CACNB2: variants seen among roughly 807,000 people sequenced by gnomAD.
CACNB2 encodes calcium voltage-gated channel auxiliary subunit beta 2.
Under a neutral mutation model 73.3 loss-of-function variants are expected in CACNB2, and 42 were observed. The observed-to-expected ratio is 0.57, with a 90% CI of 0.45 to 0.74. The LOEUF is 0.74. CACNB2 is among the 30% of genes least tolerant of loss of function. The probability of loss-of-function intolerance (pLI) is 0.00; values close to 1 mark genes in which losing one functional copy is unlikely to be tolerated. For synonymous variants in CACNB2, 348 were observed against 310.3 expected (o/e 1.12, Z -1.28); for missense variants, 940 against 853.0 (o/e 1.10, Z -1.27).
At chr10:18,515,017 T>C (rs1327516773) in intron 7 of CACNB2, 1 of 1,613,916 alleles carries the variant, frequency 6.2e-7, no homozygotes, top group Non-Finnish European at 8.5e-7. Flanking sequence ...AGTGGAAAAC[T>C]GCAGGCTTGT....
At chr10:18,262,729 G>A (rs1344864296) in intron 2 of CACNB2, among the ~76,000 whole-genome samples, 2 of 152,112 alleles carry the variant, frequency 1.3e-5, no homozygotes, top group East Asian at 3.9e-4. Flanking sequence ...AGCTTTCTGT[G>A]TTTCTGTTTA....
Position 18,277,088 on chromosome 10 carries a change from G to A in CACNB2, c.214-124836G>A, listed in dbSNP as rs377505910. ...GCCGTGTTCGTGCCACTGCACTCCAGCCTGAGGGATGGAGCGAGATCTTGT... is the reference window on the plus strand; with the variant it reads ...GCCGTGTTCGTGCCACTGCACTCCAACCTGAGGGATGGAGCGAGATCTTGT... On this transcript the variant is annotated intron_variant, in intron 2 of 13. Transcript: ENST00000324631. Among the ~76,000 whole-genome samples, 6 of 152,336 alleles carry A rather than the reference G, an allele frequency of 3.9e-5. No homozygotes were observed. In the South Asian group the frequency reaches 1.2e-3, roughly 32 times the overall value.
chr10:18,394,017 C>G (rs914454252), intron 2 of CACNB2, among the ~76,000 whole-genome samples: 1 of 152,186 alleles, frequency 6.6e-6, no homozygotes, highest in African/African-American at 2.4e-5. Context: ...CTTTGGCTTA[C>G]TGCAACCTCT....
intron 3 of CACNB2, among the ~76,000 whole-genome samples, chr10:18,490,384 C>T (rs535926263): frequency 1.3e-5 from 2 of 152,218 alleles, no homozygotes; most frequent in South Asian, 2.1e-4. Flanking sequence ...TACGTCATGT[C>T]GAAAGTACCA....
At chr10:18,310,037 C>G (rs897077543) in intron 2 of CACNB2, among the ~76,000 whole-genome samples, 2 of 152,092 alleles carry the variant, frequency 1.3e-5, no homozygotes, top group African/African-American at 4.8e-5. Flanking sequence ...GATGGCAGTG[C>G]TGCTGTTTCT....
At chr10:18,353,389 A>G (rs1409884905) in intron 2 of CACNB2, among the ~76,000 whole-genome samples, 1 of 149,616 alleles carries the variant, frequency 6.7e-6, no homozygotes, top group Non-Finnish European at 1.5e-5. Flanking sequence ...TAGCCTGGGC[A>G]ACAGAGCAAG....
intron 4 of CACNB2, chr10:18,498,808 A>C (rs1335185460): frequency 5.8e-5 from 18 of 309,050 alleles, no homozygotes; most frequent in Non-Finnish European, 1.1e-4. Context: ...GTTTTTCCTG[A>C]TGCCTGAAGT....
chr10:18,348,594 A>G (rs191329696), intron 2 of CACNB2, among the ~76,000 whole-genome samples: 3 of 151,974 alleles, frequency 2.0e-5, no homozygotes, highest in Admixed American at 1.3e-4. Flanking sequence ...GCTCACTGCA[A>G]CCTCCACCTC....
At chr10:18,311,040 C>T (rs755886516) in intron 2 of CACNB2, among the ~76,000 whole-genome samples, 9 of 152,020 alleles carry the variant, frequency 5.9e-5, no homozygotes, top group Non-Finnish European at 1.2e-4. Flanking sequence ...TTTTTCATAG[C>T]TTTTTGTTCT....
At chr10:18,402,097 TAGACC>T in intron 3 of CACNB2, 54 bp downstream of exon 3, 1 of 1,589,092 alleles carries the variant, frequency 6.3e-7, no homozygotes. Flanking sequence ...GTGCCCCTGA[TAGACC>T]ACCTGTGGGA....
chr10:18,529,734 A>C (rs1254223105), intron 10 of CACNB2, among the ~76,000 whole-genome samples: 1 of 152,198 alleles, frequency 6.6e-6, no homozygotes, highest in Non-Finnish European at 1.5e-5. Context: ...AAAAGGTTGG[A>C]GCTTATTTCT....
chr10:18,510,387 C>G (rs975409382), intron 6 of CACNB2, among the ~76,000 whole-genome samples: 3 of 152,170 alleles, frequency 2.0e-5, no homozygotes, highest in African/African-American at 7.2e-5. Flanking sequence ...ACTGAAGCCT[C>G]CATCTCCCAG....
intron 2 of CACNB2, among the ~76,000 whole-genome samples, chr10:18,276,380 C>T (rs1588913258): frequency 6.6e-6 from 1 of 152,166 alleles, no homozygotes; most frequent in African/African-American, 2.4e-5. Flanking sequence ...ACATGGACGG[C>T]ACCCTCACCC....
intron 3 of CACNB2, among the ~76,000 whole-genome samples, chr10:18,449,767 G>C (rs772174513): frequency 6.8e-4 from 103 of 152,324 alleles, no homozygotes; most frequent in Admixed American, 1.2e-3. Context: ...CATGTTAAAG[G>C]AACCCGGAGC....
chr10:18,157,528 C>T lies in CACNB2; in HGVS notation c.213+6553C>T, dbSNP rs368750778. Among the ~76,000 whole-genome samples the T allele has an allele frequency of 6.2e-4, 94 of 152,142 alleles. 1 individual carries two copies. The highest frequency in any genetic ancestry group is 1.9e-3 in the East Asian group (10 of 5,180). On this transcript the variant is annotated intron_variant, in intron 2 of 13. Coordinates refer to ENST00000324631, the MANE Select transcript of CACNB2 (RefSeq NM_201596.3). ...CCTATTTGTAACATTAGTTAAAACC[C>T]GAATAAGAAATAGACTATGGAGAGG...
intron 2 of CACNB2, among the ~76,000 whole-genome samples, chr10:18,327,156 T>C (rs2040618281): frequency 6.6e-6 from 1 of 152,176 alleles, no homozygotes; most frequent in Non-Finnish European, 1.5e-5. Flanking sequence ...CTGTTTGACT[T>C]AAAGATTTGA....
intron 3 of CACNB2, among the ~76,000 whole-genome samples, chr10:18,406,725 A>G (rs1440824646): frequency 6.6e-6 from 1 of 152,196 alleles, no homozygotes; most frequent in East Asian, 1.9e-4. Flanking sequence ...TGCACAATCA[A>G]TGTAATGTGC....
intron 3 of CACNB2, among the ~76,000 whole-genome samples, chr10:18,489,763 G>A (rs994221380): frequency 6.6e-6 from 1 of 152,180 alleles, no homozygotes; most frequent in Non-Finnish European, 1.5e-5. Flanking sequence ...GAAGGACCTA[G>A]AAGAAGAGAA....
intron 2 of CACNB2, among the ~76,000 whole-genome samples, chr10:18,288,367 C>G (rs1276499662): frequency 6.6e-6 from 1 of 152,194 alleles, no homozygotes; most frequent in Non-Finnish European, 1.5e-5. Context: ...TCTTCTAACA[C>G]ACTGTGTTTG....
Sources: allele counts gnomAD v4.1 joint callset (sites outside exome capture counted in the v4.1 genomes callset), GRCh38; gene constraint gnomAD v4.1.1; transcripts MANE v1.5; gene names NCBI Gene and HGNC (gene_info 2026-07-23, HGNC 2026-07-21).